Variants in GATA6 observed in about 807,000 individuals in gnomAD.
GATA6 encodes transcription factor GATA-6.
In GATA6, 11 loss-of-function variants were observed where a neutral mutation model predicts 48.1. That is an observed-to-expected ratio of 0.23 (90% CI 0.14 to 0.38). GATA6 has a LOEUF of 0.38. Among genes scored for constraint, GATA6 ranks in the 10% least tolerant of loss-of-function variants. GATA6 has a pLI of 1.00. For missense variants in GATA6, 795 were observed against 850.3 expected, an observed-to-expected ratio of 0.93 and a Z score of 0.81; for synonymous variants, 419 against 396.1, an observed-to-expected ratio of 1.06 and a Z score of -0.69.
At chr18:22,169,893 C>A (rs2033007363) in intron 1 of GATA6, among the ~76,000 whole-genome samples, 2 of 152,234 alleles carry the variant, frequency 1.3e-5, no homozygotes, top group South Asian at 2.1e-4. Flanking sequence ...CTCCTCGAAG[C>A]GCTTATCTGC....
chr18:22,177,868 T>A (rs1006399595), intron 3 of GATA6, among the ~76,000 whole-genome samples: 4 of 152,164 alleles, frequency 2.6e-5, no homozygotes, highest in African/African-American at 7.2e-5. Context: ...ATCAGAGAAC[T>A]TTGTAGAACT....
At position 22,185,169 on chromosome 18, in the gene GATA6, G is replaced by C. The variant is rs929352326; in HGVS notation, c.1620+2126G>C. Among the ~76,000 whole-genome samples, 5 of 152,240 alleles carry C rather than the reference G, an allele frequency of 3.3e-5. No homozygotes were observed. Among genetic ancestry groups the C allele is most frequent in the African/African-American group, 1.2e-4 (5 of 41,468 alleles). Reference sequence around the variant, plus strand: ...GAAAAGGGCCATGGTCTGGCTAGAAGAAGGGCCTTGGGAGTTCCATCTCTG... The same window carrying C: ...GAAAAGGGCCATGGTCTGGCTAGAACAAGGGCCTTGGGAGTTCCATCTCTG... On this transcript the variant is annotated intron_variant, in intron 6 of 6. Coordinates refer to ENST00000269216, the MANE Select transcript of GATA6 (RefSeq NM_005257.6). This position sits in a 1 kb window ranked among gnomAD's most constrained non-coding sequence, Gnocchi z 4.3.
chr18:22,192,660 A>G (rs2033341678), intron 6 of GATA6, among the ~76,000 whole-genome samples: 1 of 152,226 alleles, frequency 6.6e-6, no homozygotes, highest in Admixed American at 6.5e-5. Context: ...AATTAAGATC[A>G]TAATTCACCA....
intron 6 of GATA6, among the ~76,000 whole-genome samples, chr18:22,184,096 C>T (rs774235077): frequency 1.3e-5 from 2 of 152,086 alleles, no homozygotes; most frequent in Non-Finnish European, 2.9e-5. Context: ...AACAAGTGCC[C>T]CAGGTGAAAT....
At chr18:22,183,122 T>C (rs1273254306) in intron 6 of GATA6, 79 bp downstream of exon 6, 2 of 1,104,224 alleles carry the variant, frequency 1.8e-6, no homozygotes, top group Admixed American at 1.8e-5. Context: ...TCTTATCTGG[T>C]AGTACAATAA....
intron 2 of GATA6, among the ~76,000 whole-genome samples, chr18:22,175,167 T>G (rs1244463245): frequency 6.6e-6 from 1 of 152,180 alleles, no homozygotes; most frequent in Non-Finnish European, 1.5e-5. Context: ...TTTAGTCACT[T>G]ACAGGATTAT....
At chr18:22,188,624 G>T (rs2033292294) in intron 6 of GATA6, among the ~76,000 whole-genome samples, 1 of 152,114 alleles carries the variant, frequency 6.6e-6, no homozygotes, top group East Asian at 1.9e-4. Context: ...ATCCTGCTTC[G>T]GTGACAAATG....
At chr18:22,186,600 G>C (rs115153459) in intron 6 of GATA6, among the ~76,000 whole-genome samples, 1 of 152,138 alleles carries the variant, frequency 6.6e-6, no homozygotes, top group South Asian at 2.1e-4. Context: ...TGGCCAGGAC[G>C]AAAGGAGCCA....
At chr18:22,182,654 G>A (rs1201835494) in intron 4 of GATA6, 103 bp from the exon 5 acceptor site, 31 of 838,808 alleles carry the variant, frequency 3.7e-5, no homozygotes, top group Non-Finnish European at 5.3e-5. Flanking sequence ...CACTGCACTC[G>A]GCCGCCAAAT....
intron 6 of GATA6, among the ~76,000 whole-genome samples, chr18:22,189,726 T>C (rs1425523364): frequency 6.6e-6 from 1 of 152,174 alleles, no homozygotes; most frequent in South Asian, 2.1e-4. Context: ...CAGTGGTGGA[T>C]TGGTCTTCGA....
Position 22,200,888 on chromosome 18 carries a change from G to A in GATA6, c.*65G>A, listed in dbSNP as rs2033454196. ...CCTCACTCCACTCGTGTCTGCTTTT[G>A]TGCAGCGGTCCAGACAGTGGCGACT... On this transcript the variant is annotated 3_prime_UTR_variant, in exon 7 of 7. Coordinates refer to ENST00000269216, the MANE Select transcript of GATA6 (RefSeq NM_005257.6). 4 of 1,520,236 alleles carry A rather than the reference G, an allele frequency of 2.6e-6. No homozygotes were observed. The East Asian group carries it at 7.1e-5, about 27-fold the overall frequency. The allele number at this position is 1,520,236 out of a possible 1,614,324, so 94.2% of individuals were successfully genotyped here.
At chr18:22,195,518 T>C (rs556776063) in intron 6 of GATA6, among the ~76,000 whole-genome samples, 408 of 152,348 alleles carry the variant, frequency 2.7e-3, no homozygotes, top group Non-Finnish European at 4.4e-3. Context: ...AAAACTGCAA[T>C]TACTTTGGCA....
At chr18:22,174,655 G>A (rs1336777529) in intron 2 of GATA6, among the ~76,000 whole-genome samples, 1 of 152,168 alleles carries the variant, frequency 6.6e-6, no homozygotes, top group East Asian at 1.9e-4. Flanking sequence ...GGTGGGGAGC[G>A]AGTGACCCTA....
Position 22,172,237 on chromosome 18 carries a change from C to G in GATA6, c.1093C>G (p.Arg365Gly). The change falls in exon 2 of 7, where the codon CGC (arginine) becomes GGC (glycine). Residue 365 changes from arginine (R) to glycine (G), a missense_variant. Coordinates refer to ENST00000269216, the MANE Select transcript of GATA6 (RefSeq NM_005257.6). This position sits in a 1 kb window ranked among gnomAD's most constrained non-coding sequence, Gnocchi z 5.2. ...CCCGGTGCTGCACAGCCTGCAGAGC[C>G]GCGCCGGAGCCCCGCTCCCGGTGCC... The part of the protein sequence containing the change: ...ETPVLHSLQS[R>G]AGAPLPVPRG... 1 of 1,534,020 alleles carries G rather than the reference C, an allele frequency of 6.5e-7. No individual in the cohort carries two copies. Among genetic ancestry groups the G allele is most frequent in the South Asian group, 1.2e-5 (1 of 83,944 alleles).
intron 2 of GATA6, 42 bp from the exon 3 acceptor site, chr18:22,176,913 C>T (rs2033127948): frequency 6.6e-7 from 1 of 1,518,696 alleles, no homozygotes; most frequent in Non-Finnish European, 8.8e-7. Context: ...GGGACGGGTC[C>T]GGCGCGCCCA....
chr18:22,196,845 A>C (rs896754234), intron 6 of GATA6, among the ~76,000 whole-genome samples: 3 of 152,148 alleles, frequency 2.0e-5, no homozygotes, highest in African/African-American at 7.2e-5. Flanking sequence ...GACAGTTTGA[A>C]TAGGGTCATT....
chr18:22,201,056 G>A lies in GATA6; in HGVS notation c.*233G>A, dbSNP rs2033457093. The A allele has an allele frequency of 1.7e-6, 1 of 590,902 alleles. No individual in the cohort carries two copies. Among genetic ancestry groups the A allele is most frequent in the Non-Finnish European group, 3.0e-6 (1 of 334,412 alleles). 36.6% of individuals were successfully genotyped at this position (590,902 alleles called of 1,614,324 possible). A position where few individuals can be genotyped will look rare whatever the true frequency, so the allele number is the denominator to read the frequency against. ...CCACTCCAGCCAGCCCGCCTCCGGG[G>A]CGGACCCTGCTCCACTTCCAGAAGC... On this transcript the variant is annotated 3_prime_UTR_variant, in exon 7 of 7. Transcript: ENST00000269216.
At chr18:22,183,903 G>C (rs1331423149) in intron 6 of GATA6, among the ~76,000 whole-genome samples, 1 of 152,222 alleles carries the variant, frequency 6.6e-6, no homozygotes, top group Non-Finnish European at 1.5e-5. Context: ...GGACTACACT[G>C]AGACAAGATT....
Position 22,200,595 on chromosome 18 carries a change from A to G in GATA6, c.1621-61A>G. The G allele has an allele frequency of 2.5e-6, 4 of 1,603,226 alleles. No homozygotes were observed. The East Asian group carries it at 6.7e-5, about 27-fold the overall frequency. On this transcript the variant is annotated intron_variant, in intron 6 of 6. Coordinates refer to ENST00000269216, the MANE Select transcript of GATA6 (RefSeq NM_005257.6). ...TTCATTAGCTCCCATGTATTTCACT[A>G]CCAGGATTGTAACCGCTTCTCACCT... is the stretch of plus-strand genomic sequence containing the variant.
Sources: allele counts gnomAD v4.1 joint callset (sites outside exome capture counted in the v4.1 genomes callset), GRCh38; gene constraint gnomAD v4.1.1; non-coding constraint Gnocchi (gnomAD v3.1); transcripts MANE v1.5; gene names NCBI Gene and HGNC (gene_info 2026-07-23, HGNC 2026-07-21).